The following SFMBT2 variants were observed in gnomAD, a reference collection of about 807,000 sequenced individuals.
SFMBT2 encodes the protein scm-like with four MBT domains protein 2.
Under a neutral mutation model 110.1 loss-of-function variants are expected in SFMBT2, and 38 were observed. That is an observed-to-expected ratio of 0.35 (90% confidence interval 0.27 to 0.45). SFMBT2 has a LOEUF of 0.45. SFMBT2 is among the 20% of genes least tolerant of loss of function. The probability of loss-of-function intolerance (pLI) is 1.00; values close to 1 mark genes in which losing one functional copy is unlikely to be tolerated. For synonymous variants in SFMBT2, 425 were observed against 425.4 expected, an observed-to-expected ratio of 1.00 and a Z score of 0.01; for missense variants, 1,011 against 1,094.9, an observed-to-expected ratio of 0.92 and a Z score of 1.08.
Position 7,170,672 on chromosome 10 carries a change from G to T in SFMBT2, c.2544+256C>A, listed in dbSNP as rs968950190. Reference sequence around the variant, plus strand: ...ACCCCTGCTGGGTGGTGTCACTAGAGCCTGGAAGAGTCACCCCTCCGCCCC... The same window carrying T: ...ACCCCTGCTGGGTGGTGTCACTAGATCCTGGAAGAGTCACCCCTCCGCCCC... On this transcript the variant is annotated intron_variant, in intron 20 of 20. Transcript: ENST00000397167. The surrounding 1 kb of genome is among the most constrained non-coding windows in gnomAD (Gnocchi z 4.6). 6.6e-6 allele frequency among the ~76,000 whole-genome samples: 1 copy of T among 152,094 alleles called. No individual in the cohort carries two copies. The highest frequency in any genetic ancestry group is 1.5e-5 in the Non-Finnish European group (1 of 67,998).
At chr10:7,243,481 A>C (rs1038523158) in intron 9 of SFMBT2, 77 bp downstream of exon 9, 5 of 824,888 alleles carry the variant, frequency 6.1e-6, no homozygotes, top group Non-Finnish European at 1.0e-5. Context: ...TCCCCAGATT[A>C]ATGCAGGTGT....
intron 4 of SFMBT2, among the ~76,000 whole-genome samples, chr10:7,306,228 G>C (rs1842690032): frequency 6.6e-6 from 1 of 152,268 alleles, no homozygotes; most frequent in Non-Finnish European, 1.5e-5. Context: ...GCAGGCTTCA[G>C]TGAACTGTGC....
At chr10:7,360,265 C>T (rs531679257) in intron 4 of SFMBT2, among the ~76,000 whole-genome samples, 1 of 152,068 alleles carries the variant, frequency 6.6e-6, no homozygotes, top group Non-Finnish European at 1.5e-5. Flanking sequence ...CTCAGGAATT[C>T]GAGACTAGCC....
At chr10:7,385,749 C>T (rs1018389387) in intron 1 of SFMBT2, among the ~76,000 whole-genome samples, 2 of 152,098 alleles carry the variant, frequency 1.3e-5, no homozygotes, top group Admixed American at 6.5e-5. Context: ...CCTGTAATCC[C>T]AGCACTTTGG....
intron 11 of SFMBT2, among the ~76,000 whole-genome samples, chr10:7,212,843 A>G (rs959913019): frequency 6.6e-5 from 10 of 152,238 alleles, no homozygotes; most frequent in African/African-American, 9.6e-5. Context: ...ATGCCCATCA[A>G]TGATAGACGG....
intron 7 of SFMBT2, among the ~76,000 whole-genome samples, chr10:7,252,398 T>C (rs557266940): frequency 6.6e-6 from 1 of 152,280 alleles, no homozygotes; most frequent in East Asian, 1.9e-4. Flanking sequence ...TGCTTATGGG[T>C]AATGACTTCA....
intron 11 of SFMBT2, among the ~76,000 whole-genome samples, chr10:7,219,980 C>G (rs1417102102): frequency 6.6e-6 from 1 of 152,154 alleles, no homozygotes; most frequent in Non-Finnish European, 1.5e-5. Context: ...AAGTCATCCT[C>G]CAGGTACTAT....
intron 1 of SFMBT2, among the ~76,000 whole-genome samples, chr10:7,386,030 C>T (rs1845594574): frequency 6.6e-6 from 1 of 152,044 alleles, no homozygotes; most frequent in South Asian, 2.1e-4. Context: ...CCTCTCCTTA[C>T]AAGCTCTCAG....
At chr10:7,365,203 C>T (rs747252402) in intron 4 of SFMBT2, among the ~76,000 whole-genome samples, 1 of 152,214 alleles carries the variant, frequency 6.6e-6, no homozygotes, top group African/African-American at 2.4e-5. Context: ...GACTTAAGAA[C>T]AGCCATTCTC....
At chr10:7,273,932 T>A (rs1841684543) in intron 7 of SFMBT2, among the ~76,000 whole-genome samples, 1 of 152,214 alleles carries the variant, frequency 6.6e-6, no homozygotes, top group Admixed American at 6.5e-5. Context: ...TTACTGGATA[T>A]ATACCCAAAG....
At chr10:7,401,852 A>G (rs1184542519) in intron 1 of SFMBT2, among the ~76,000 whole-genome samples, 1 of 152,196 alleles carries the variant, frequency 6.6e-6, no homozygotes. Context: ...ACAGTGCGCC[A>G]TTCCACGGGA....
chr10:7,346,097 C>T (rs1409878), intron 4 of SFMBT2, among the ~76,000 whole-genome samples: 21 of 152,326 alleles, frequency 1.4e-4, no homozygotes, highest in Admixed American at 1.4e-3. Flanking sequence ...AGATTAACGT[C>T]CAAGCAGCAG....
At chr10:7,360,294 C>T (rs1428298462) in intron 4 of SFMBT2, among the ~76,000 whole-genome samples, 2 of 152,054 alleles carry the variant, frequency 1.3e-5, no homozygotes, top group Non-Finnish European at 2.9e-5. Flanking sequence ...ACAGGAAGAC[C>T]CCCATCTCTA....
intron 4 of SFMBT2, among the ~76,000 whole-genome samples, chr10:7,310,902 C>G (rs1489818971): frequency 6.6e-6 from 1 of 152,124 alleles, no homozygotes; most frequent in Non-Finnish European, 1.5e-5. Flanking sequence ...AAAAAATTAA[C>G]TGGGCATGGT....
intron 1 of SFMBT2, among the ~76,000 whole-genome samples, chr10:7,392,292 A>G (rs1167079858): frequency 6.6e-6 from 1 of 152,178 alleles, no homozygotes; most frequent in Non-Finnish European, 1.5e-5. Flanking sequence ...AGGTGGGCGG[A>G]TCACTTGAGC....
At chr10:7,397,238 T>C (rs1385994302) in intron 1 of SFMBT2, among the ~76,000 whole-genome samples, 1 of 152,134 alleles carries the variant, frequency 6.6e-6, no homozygotes, top group Non-Finnish European at 1.5e-5. Flanking sequence ...AAGCCACCAA[T>C]GACTCAGACC....
intron 1 of SFMBT2, among the ~76,000 whole-genome samples, chr10:7,395,222 G>A (rs1299630267): frequency 6.6e-6 from 1 of 152,170 alleles, no homozygotes; most frequent in Non-Finnish European, 1.5e-5. Flanking sequence ...AGGAGGTGGA[G>A]GCTGCAGTGA....
chr10:7,380,836 G>C lies in SFMBT2; in HGVS notation c.100+963C>G, dbSNP rs186342824. ...AGGCTAAGGCAGGAGGATCACTTGA[G>C]CCTAGTAGTTTAAGACAAGCCTGGA... is the stretch of plus-strand genomic sequence containing the variant. On this transcript the variant is annotated intron_variant, in intron 2 of 20. Coordinates refer to ENST00000397167, the MANE Select transcript of SFMBT2 (RefSeq NM_001387889.1). Among the ~76,000 whole-genome samples, 60 of 152,180 alleles carry C rather than the reference G, an allele frequency of 3.9e-4. No homozygotes were observed. The East Asian group carries it at 0.01, about 26-fold the overall frequency.
chr10:7,370,853 GA>G, intron 2 of SFMBT2: 1 of 968,202 alleles, frequency 1.0e-6, no homozygotes, highest in Non-Finnish European at 1.2e-6. Flanking sequence ...GGGAAAAAGA[GA>G]AAATGAGGCC....
Sources: allele counts gnomAD v4.1 joint callset (sites outside exome capture counted in the v4.1 genomes callset), GRCh38; gene constraint gnomAD v4.1.1; non-coding constraint Gnocchi (gnomAD v3.1); transcripts MANE v1.5; gene names NCBI Gene and HGNC (gene_info 2026-07-23, HGNC 2026-07-21).